The following LATS2 variants were observed in gnomAD, a reference collection of about 807,000 sequenced individuals.
The protein encoded by LATS2 is serine/threonine-protein kinase LATS2.
In LATS2, 24 loss-of-function variants were observed where a neutral mutation model predicts 76.0. The observed-to-expected ratio is 0.32, with a 90% confidence interval of 0.23 to 0.44. The LOEUF is 0.44. Ranked by LOEUF, LATS2 falls within the 20% of genes least tolerant of loss-of-function variation. The pLI is 1.00. For synonymous variants in LATS2, 692 were observed against 635.4 expected (o/e 1.09, Z -1.34); for missense variants, 1,286 against 1,481.2 (o/e 0.87, Z 2.16).
intron 4 of LATS2, among the ~76,000 whole-genome samples, chr13:20,986,024 A>G (rs770275664): frequency 6.6e-6 from 1 of 152,218 alleles, no homozygotes; most frequent in Non-Finnish European, 1.5e-5. Context: ...AGCCTGGGCA[A>G]CAAGAGCGAA....
At chr13:20,976,975 G>A (rs762599541) in intron 7 of LATS2, among the ~76,000 whole-genome samples, 3 of 152,110 alleles carry the variant, frequency 2.0e-5, no homozygotes, top group Non-Finnish European at 4.4e-5. Context: ...CGGAAGCAGG[G>A]ACTCATACAG....
chr13:21,026,127 G>A (rs12858680), intron 2 of LATS2, among the ~76,000 whole-genome samples: 1 of 152,154 alleles, frequency 6.6e-6, no homozygotes, highest in Non-Finnish European at 1.5e-5. Flanking sequence ...TAAGAAAGAA[G>A]AGAAGGAAAC....
chr13:20,975,885 C>T lies in LATS2; in HGVS notation c.2773-521G>A, dbSNP rs1359124679. On this transcript the variant is annotated intron_variant, in intron 7 of 7. Transcript: ENST00000382592. ...TTTTAGTAGAGACAGGGTTTCACCA[C>T]GTTGGCCAGGCTAGTCCTGAACTCC... 6.6e-5 allele frequency among the ~76,000 whole-genome samples: 10 copies of T among 152,080 alleles called. No individual in the cohort carries two copies. The East Asian group carries it at 9.6e-4, about 15-fold the overall frequency.
Position 20,991,202 on chromosome 13 carries a change from T to C in LATS2, c.475+70A>G, listed in dbSNP as rs1408477548. 6.3e-7 allele frequency: 1 copy of C among 1,592,882 alleles called. No individual in the cohort carries two copies. The highest frequency in any genetic ancestry group is 8.6e-7 in the Non-Finnish European group (1 of 1,166,266). On this transcript the variant is annotated intron_variant, in intron 3 of 7. Coordinates refer to ENST00000382592, the MANE Select transcript of LATS2 (RefSeq NM_014572.3). The surrounding 1 kb of genome is among the most constrained non-coding windows in gnomAD (Gnocchi z 4.9). ...GCCAGGCCAGGCCAGGTTGGACCCC[T>C]CTGCACGTGGTTTTGTTGTCCTTAA...
chr13:21,051,315 A>G (rs73445513), intron 1 of LATS2, among the ~76,000 whole-genome samples: 3,381 of 152,340 alleles, frequency 0.022, 103 homozygotes, highest in African/African-American at 0.074. Context: ...TAAGGAGCTC[A>G]TAGCTCAAGA....
At chr13:21,013,447 T>C (rs1440611850) in intron 2 of LATS2, among the ~76,000 whole-genome samples, 10 of 152,122 alleles carry the variant, frequency 6.6e-5, no homozygotes, top group Admixed American at 5.9e-4. Flanking sequence ...GTGGAAAAAG[T>C]CCAATTTTCT....
chr13:21,022,280 ATGTGCATGTGTGTGTGAG>A (rs1338156341), intron 2 of LATS2, among the ~76,000 whole-genome samples: 2 of 152,080 alleles, frequency 1.3e-5, no homozygotes, highest in South Asian at 2.1e-4. Context: ...ATGTATTTGT[ATGTGCATGTGTGTGTGAG>A]TGTGCATGTG....
Position 20,975,275 on chromosome 13 carries a change from G to C in LATS2, c.2862C>G (p.Ser954=), listed in dbSNP as rs749648130. 1.9e-6 allele frequency: 3 copies of C among 1,613,826 alleles called. No homozygotes were observed. Among genetic ancestry groups the C allele is most frequent in the East Asian group, 2.2e-5 (1 of 44,872 alleles). Residue 954 remains serine, a synonymous_variant, in exon 8 of 8, where the codon TCC becomes TCG. Coordinates refer to ENST00000382592, the MANE Select transcript of LATS2 (RefSeq NM_014572.3). Reference sequence around the variant, plus strand: ...CATTCCGCCCCAGGCGGTGGTCTGCGGAGCAGCACAGCTTGGTGATGAGGT... The same window carrying C: ...CATTCCGCCCCAGGCGGTGGTCTGCCGAGCAGCACAGCTTGGTGATGAGGT... The part of the protein sequence containing the change: ...ARDLITKLCC[S]ADHRLGRNGA...
chr13:21,034,835 A>G (rs1595248784), intron 2 of LATS2, among the ~76,000 whole-genome samples: 1 of 152,234 alleles, frequency 6.6e-6, no homozygotes, highest in South Asian at 2.1e-4. Context: ...TCTTAGGAAA[A>G]AAAAGGCATC....
At chr13:20,975,777 G>GGGA (rs1869593018) in intron 7 of LATS2, among the ~76,000 whole-genome samples, 1 of 152,056 alleles carries the variant, frequency 6.6e-6, no homozygotes, top group African/African-American at 2.4e-5. Flanking sequence ...TCCGCCTCCT[G>GGGA]GGTTCAAGCG....
chr13:20,999,183 G>A (rs1301992687), intron 2 of LATS2, among the ~76,000 whole-genome samples: 1 of 152,238 alleles, frequency 6.6e-6, no homozygotes, highest in Non-Finnish European at 1.5e-5. Flanking sequence ...ATGTCTGTGT[G>A]CTTGAAGAAA....
rs773599405 is a variant in LATS2, at chr13:21,016,353, G to A, written c.343-24949C>T. The stretch of plus-strand genomic sequence containing the variant: ...AGGCTCAGTACAGTGGCGTGATCTC[G>A]GCTCACTGCAACCTCAGCCTCCCAG... On this transcript the variant is annotated intron_variant, in intron 2 of 7. Transcript: ENST00000382592. 4.0e-5 allele frequency among the ~76,000 whole-genome samples: 6 copies of A among 151,484 alleles called. No individual in the cohort carries two copies. The South Asian group carries it at 6.3e-4, about 16-fold the overall frequency.
intron 6 of LATS2, 60 bp downstream of exon 6, chr13:20,981,406 T>C (rs870847): frequency 2.0e-6 from 3 of 1,479,454 alleles, no homozygotes; most frequent in Middle Eastern, 2.0e-4. Flanking sequence ...CCAGCGAGAC[T>C]CAGCTCACGT....
At chr13:21,006,909 G>A (rs987517659) in intron 2 of LATS2, among the ~76,000 whole-genome samples, 1 of 152,220 alleles carries the variant, frequency 6.6e-6, no homozygotes, top group Non-Finnish European at 1.5e-5. Context: ...TTTGGATGCA[G>A]ACTGAACAGA....
chr13:21,049,950 G>A (rs1873206205), intron 1 of LATS2, among the ~76,000 whole-genome samples: 1 of 151,958 alleles, frequency 6.6e-6, no homozygotes, highest in African/African-American at 2.4e-5. Flanking sequence ...GTGAAACGCT[G>A]TCTCTACTAA....
At chr13:20,985,567 C>T (rs961034813) in intron 4 of LATS2, among the ~76,000 whole-genome samples, 28 of 147,472 alleles carry the variant, frequency 1.9e-4, no homozygotes, top group African/African-American at 6.3e-4. Flanking sequence ...GGTGAAACCC[C>T]GTCTCTACTA....
chr13:21,017,947 T>C (rs1322097511), intron 2 of LATS2: 2 of 152,192 alleles, frequency 1.3e-5, no homozygotes, highest in Admixed American at 1.3e-4. Flanking sequence ...TTCATACTAA[T>C]AATGTGAGAC....
intron 2 of LATS2, among the ~76,000 whole-genome samples, chr13:21,042,338 T>C (rs1872905070): frequency 6.6e-6 from 1 of 152,232 alleles, no homozygotes; most frequent in Non-Finnish European, 1.5e-5. Context: ...GTGGGTTTAA[T>C]ATGCAAAAAT....
At chr13:20,987,224 TA>T (rs11434989) in intron 4 of LATS2, among the ~76,000 whole-genome samples, 42 of 130,062 alleles carry the variant, frequency 3.2e-4, no homozygotes, top group African/African-American at 1.0e-3. Flanking sequence ...AAAATAAAAA[TA>T]AAAAAAACAC....
Sources: allele counts gnomAD v4.1 joint callset (sites outside exome capture counted in the v4.1 genomes callset), GRCh38; gene constraint gnomAD v4.1.1; non-coding constraint Gnocchi (gnomAD v3.1); transcripts MANE v1.5; gene names NCBI Gene and HGNC (gene_info 2026-07-23, HGNC 2026-07-21).